Variants in SEMA6D observed in about 807,000 individuals in gnomAD.
SEMA6D encodes semaphorin 6D.
Under a neutral mutation model 106.6 loss-of-function variants are expected in SEMA6D, and 35 were observed. The observed-to-expected ratio is 0.33, with a 90% confidence interval of 0.25 to 0.44. SEMA6D has a LOEUF of 0.44. SEMA6D is among the 20% of genes least tolerant of loss of function. The pLI is 1.00. For synonymous variants in SEMA6D, 499 were observed against 487.7 expected (o/e 1.02, Z -0.31); for missense variants, 1,185 against 1,345.9 (o/e 0.88, Z 1.87).
At chr15:47,426,516 G>C (rs1019750770) in intron 2 of SEMA6D, among the ~76,000 whole-genome samples, 44 of 152,180 alleles carry the variant, frequency 2.9e-4, no homozygotes, top group African/African-American at 1.0e-3. Flanking sequence ...TCTTTATATA[G>C]GGAAGGATAG....
At chr15:47,334,285 A>G (rs568907184) in intron 1 of SEMA6D, among the ~76,000 whole-genome samples, 1 of 152,264 alleles carries the variant, frequency 6.6e-6, no homozygotes, top group East Asian at 1.9e-4. Flanking sequence ...TTAAACCACT[A>G]AATGTGTTTC....
intron 1 of SEMA6D, among the ~76,000 whole-genome samples, chr15:47,365,940 A>AAGAAAGATAGAAAAGAAAGAAAG (rs2039012188): frequency 9.0e-6 from 1 of 110,908 alleles, no homozygotes; most frequent in South Asian, 2.6e-4. Flanking sequence ...AAGAAAGAGA[A>AAGAAAGATAGAAAAGAAAGAAAG]AGAAAGAAAG....
At chr15:47,540,949 A>G (rs1002497692) in intron 3 of SEMA6D, among the ~76,000 whole-genome samples, 2 of 152,192 alleles carry the variant, frequency 1.3e-5, no homozygotes, top group African/African-American at 4.8e-5. Flanking sequence ...AATGGAAAAG[A>G]AAGCTGATGG....
At chr15:47,713,594 C>G (rs933436677), upstream of SEMA6D, among the ~76,000 whole-genome samples, 12 of 152,210 alleles carry the variant, frequency 7.9e-5, no homozygotes, top group African/African-American at 2.7e-4. Context: ...GCAAGGAATA[C>G]TATATGTGCA....
intron 3 of SEMA6D, among the ~76,000 whole-genome samples, chr15:47,509,128 C>CGG (rs1399563109): frequency 6.6e-6 from 1 of 152,064 alleles, no homozygotes; most frequent in Non-Finnish European, 1.5e-5. Context: ...GCTTCCACAC[C>CGG]CATACAGCTA....
intron 1 of SEMA6D, among the ~76,000 whole-genome samples, chr15:47,391,317 G>A (rs1376645120): frequency 6.6e-6 from 1 of 152,144 alleles, no homozygotes; most frequent in East Asian, 1.9e-4. Context: ...TTCTTGGGAT[G>A]GAAAACATCC....
intron 2 of SEMA6D, among the ~76,000 whole-genome samples, chr15:47,465,972 A>G (rs1459979905): frequency 6.6e-6 from 1 of 152,176 alleles, no homozygotes; most frequent in Non-Finnish European, 1.5e-5. Context: ...GTAACTTTTC[A>G]TAGAAAAGAT....
intron 1 of SEMA6D, among the ~76,000 whole-genome samples, chr15:47,751,737 G>A (rs75186419): frequency 0.2 from 30,706 of 152,030 alleles, 3,744 homozygotes; most frequent in South Asian, 0.32. Context: ...GATTCAGCGG[G>A]GATGTGGTGA....
At chr15:47,571,432 G>C (rs2046379376) in intron 3 of SEMA6D, among the ~76,000 whole-genome samples, 2 of 152,198 alleles carry the variant, frequency 1.3e-5, no homozygotes. Context: ...GAGCATTCTT[G>C]AGTCCAGAGC....
intron 3 of SEMA6D, among the ~76,000 whole-genome samples, chr15:47,553,394 T>A (rs1300022987): frequency 6.6e-6 from 1 of 152,168 alleles, no homozygotes; most frequent in African/African-American, 2.4e-5. Context: ...TTTTCTAAAG[T>A]GACGGTGTCC....
intron 1 of SEMA6D, among the ~76,000 whole-genome samples, chr15:47,411,874 A>G (rs961312638): frequency 2.0e-5 from 3 of 152,082 alleles, no homozygotes; most frequent in Admixed American, 6.6e-5. Context: ...AATAGAGGGA[A>G]TTTGGAAACT....
At chr15:47,436,823 A>G (rs1030124245) in intron 2 of SEMA6D, among the ~76,000 whole-genome samples, 2 of 149,460 alleles carry the variant, frequency 1.3e-5, no homozygotes, top group Non-Finnish European at 3.0e-5. Flanking sequence ...AGTCCTAGCT[A>G]CTCAAGAGGC....
intron 3 of SEMA6D, among the ~76,000 whole-genome samples, chr15:47,591,416 G>C (rs1462298991): frequency 6.6e-6 from 1 of 152,138 alleles, no homozygotes; most frequent in Non-Finnish European, 1.5e-5. Flanking sequence ...CACATGACAG[G>C]TGCTTCATCT....
At chr15:47,655,521 A>G (rs76563988) in intron 4 of SEMA6D, among the ~76,000 whole-genome samples, 27,210 of 152,290 alleles carry the variant, frequency 0.18, 3,010 homozygotes, top group South Asian at 0.27. Flanking sequence ...AAGAAAATCA[A>G]TATCTTGTTT....
chr15:47,572,246 A>G (rs9806660), intron 3 of SEMA6D, among the ~76,000 whole-genome samples: 16,232 of 152,300 alleles, frequency 0.11, 1,305 homozygotes, highest in African/African-American at 0.23. Flanking sequence ...GATCAAATGT[A>G]TATCAAATGA....
intron 2 of SEMA6D, among the ~76,000 whole-genome samples, chr15:47,437,317 G>T (rs2041749061): frequency 6.6e-6 from 1 of 152,020 alleles, no homozygotes; most frequent in Non-Finnish European, 1.5e-5. Flanking sequence ...CATGTCTTAT[G>T]ATGTTTTTAC....
chr15:47,584,617 CTT>C (rs1384994056), intron 3 of SEMA6D, among the ~76,000 whole-genome samples: 1 of 152,172 alleles, frequency 6.6e-6, no homozygotes, highest in East Asian at 1.9e-4. Context: ...GGATAAGGCT[CTT>C]TATTTTTGGT....
At chr15:47,311,455 T>C (rs1595703625) in intron 1 of SEMA6D, among the ~76,000 whole-genome samples, 3 of 152,266 alleles carry the variant, frequency 2.0e-5, no homozygotes, top group South Asian at 2.1e-4. Context: ...TGGGAGGACA[T>C]TGAATGTAAT....
chr15:47,663,164 C>G (rs74774679), intron 4 of SEMA6D, among the ~76,000 whole-genome samples: 2,631 of 152,250 alleles, frequency 0.017, 80 homozygotes, highest in African/African-American at 0.061. Context: ...TGCAGGTACT[C>G]AATAAACATC....
Sources: allele counts gnomAD v4.1 joint callset (sites outside exome capture counted in the v4.1 genomes callset), GRCh38; gene constraint gnomAD v4.1.1; transcripts MANE v1.5; gene names NCBI Gene and HGNC (gene_info 2026-07-23, HGNC 2026-07-21).